Variants in CD58 observed in about 807,000 individuals in gnomAD.
CD58 encodes the protein lymphocyte function-associated antigen 3.
A neutral mutation model predicts 27.6 loss-of-function variants in CD58; 14 were observed. The observed-to-expected ratio is 0.51, with a 90% CI of 0.34 to 0.79. The LOEUF (loss-of-function observed/expected upper bound fraction) is 0.79. CD58 is among the 30% of genes least tolerant of loss of function. CD58 has a pLI of 0.02. For missense variants in CD58, 268 were observed against 301.7 expected (o/e 0.89, Z 0.83); for synonymous variants, 117 against 103.8 (o/e 1.13, Z -0.77).
chr1:116,522,009 T>A lies in CD58; in HGVS notation c.629-26A>T. The A allele has an allele frequency of 7.6e-7, 1 of 1,308,572 alleles. No homozygotes were observed. The highest frequency in any genetic ancestry group is 1.1e-6 in the Non-Finnish European group (1 of 918,124). 81.1% of individuals were successfully genotyped at this position (1,308,572 alleles called of 1,614,324 possible). On this transcript the variant is annotated intron_variant, in intron 3 of 5. Coordinates refer to ENST00000369489, the MANE Select transcript of CD58 (RefSeq NM_001779.3). The surrounding 1 kb of genome is among the most constrained non-coding windows in gnomAD (Gnocchi z 4.6). ...CTATAAAAAAGAAAAGAAAAGAAATTCAACTAGTTGAACTGATCAAAATGG... is the reference window on the plus strand; with the variant it reads ...CTATAAAAAAGAAAAGAAAAGAAATACAACTAGTTGAACTGATCAAAATGG...
chr1:116,543,653 T>C (rs375282320), intron 2 of CD58, among the ~76,000 whole-genome samples: 1 of 152,074 alleles, frequency 6.6e-6, no homozygotes, highest in East Asian at 1.9e-4. Flanking sequence ...CTGGGTGTGG[T>C]GGCTCATGAG....
chr1:116,519,887 A>G lies in CD58; in HGVS notation c.707-620T>C, dbSNP rs1657213904. Among the ~76,000 whole-genome samples the G allele has an allele frequency of 6.6e-6, 1 of 152,196 alleles. No individual in the cohort carries two copies. Among genetic ancestry groups the G allele is most frequent in the South Asian group, 2.1e-4 (1 of 4,824 alleles). Reference sequence around the variant, plus strand: ...ATTAAGACACTGCTCCCACACATGCATGCATCACTTTCCTGCCCACAGTAG... The same window carrying G: ...ATTAAGACACTGCTCCCACACATGCGTGCATCACTTTCCTGCCCACAGTAG... On this transcript the variant is annotated intron_variant, in intron 4 of 5. Transcript: ENST00000369489. The surrounding 1 kb of genome is among the most constrained non-coding windows in gnomAD (Gnocchi z 4.7).
At position 116,523,767 on chromosome 1, in the gene CD58, C is replaced by T. The variant is rs1444689602; in HGVS notation, c.629-1784G>A. ...TTCCTTCTTTACTAACTACAATCTT[C>T]ACATAAAGATAAACTGCCCCTCATC... On this transcript the variant is annotated intron_variant, in intron 3 of 5. Coordinates refer to ENST00000369489, the MANE Select transcript of CD58 (RefSeq NM_001779.3). This position sits in a 1 kb window ranked among gnomAD's most constrained non-coding sequence, Gnocchi z 4.4. 6.6e-6 allele frequency among the ~76,000 whole-genome samples: 1 copy of T among 152,188 alleles called. No homozygotes were observed. The highest frequency in any genetic ancestry group is 1.5e-5 in the Non-Finnish European group (1 of 68,032).
intron 1 of CD58, among the ~76,000 whole-genome samples, chr1:116,560,276 T>C (rs1484161773): frequency 2.6e-5 from 4 of 152,216 alleles, no homozygotes; most frequent in Admixed American, 6.5e-5. Context: ...TGTCTTTGAC[T>C]GTTCTCACCT....
At chr1:116,518,936 T>C (rs1316866945) in intron 5 of CD58, 4 of 988,406 alleles carry the variant, frequency 4.0e-6, no homozygotes, top group Non-Finnish European at 5.3e-6. Context: ...GACTTTGATA[T>C]CTCACTTGAC....
chr1:116,526,350 G>A (rs1456411302), intron 3 of CD58, among the ~76,000 whole-genome samples: 1 of 152,132 alleles, frequency 6.6e-6, no homozygotes, highest in Non-Finnish European at 1.5e-5. Context: ...GGTCCATTTT[G>A]AGTAAAATTT....
rs2101221075 is a variant in CD58, at chr1:116,559,748, A to G, written c.70+11155T>C. Among the ~76,000 whole-genome samples, 1 of 152,282 alleles carries G rather than the reference A, an allele frequency of 6.6e-6. No homozygotes were observed. The highest frequency in any genetic ancestry group is 1.9e-4 in the East Asian group (1 of 5,184). On this transcript the variant is annotated intron_variant, in intron 1 of 5. Coordinates refer to ENST00000369489, the MANE Select transcript of CD58 (RefSeq NM_001779.3). This position sits in a 1 kb window ranked among gnomAD's most constrained non-coding sequence, Gnocchi z 4.4. ...ATTAAGATGTTGGTTCTCTAAATCAACTTCTTTCTGTACTTTCCTTCTAAT... is the reference window on the plus strand; with the variant it reads ...ATTAAGATGTTGGTTCTCTAAATCAGCTTCTTTCTGTACTTTCCTTCTAAT...
At position 116,538,475 on chromosome 1, in the gene CD58, G is replaced by C. The variant is rs1194088669; in HGVS notation, c.365-2247C>G. Reference sequence around the variant, plus strand: ...TAACTAGGCTGGGCATTTCTCAGGGGCAGAAAACCAAGCTTTCTACCTCCT... The same window carrying C: ...TAACTAGGCTGGGCATTTCTCAGGGCCAGAAAACCAAGCTTTCTACCTCCT... On this transcript the variant is annotated intron_variant, in intron 2 of 5. Transcript: ENST00000369489. This position sits in a 1 kb window ranked among gnomAD's most constrained non-coding sequence, Gnocchi z 4.7. Among the ~76,000 whole-genome samples the C allele has an allele frequency of 6.6e-6, 1 of 152,164 alleles. No individual in the cohort carries two copies. The highest frequency in any genetic ancestry group is 2.4e-5 in the African/African-American group (1 of 41,430).
chr1:116,514,838 A>G lies in CD58; in HGVS notation c.744-16T>C, dbSNP rs372763408. 109 of 1,546,642 alleles carry G rather than the reference A, an allele frequency of 7.0e-5. 2 individuals are homozygous for G. The highest frequency in any genetic ancestry group is 6.4e-4 in the South Asian group (56 of 87,728). On this transcript the variant is annotated splice_polypyrimidine_tract_variant and intron_variant, in intron 5 of 5. Transcript: ENST00000369489. ...TCAATTGGAGCTACAAAAAAAAATC[A>G]TATTATTAACTTGTAAAATGCAGTA...
chr1:116,535,396 G>A (rs1230065591), intron 3 of CD58, among the ~76,000 whole-genome samples: 3 of 152,182 alleles, frequency 2.0e-5, no homozygotes, highest in African/African-American at 7.2e-5. Flanking sequence ...TTCTCACCAG[G>A]AAACAGGGAT....
intron 1 of CD58, among the ~76,000 whole-genome samples, chr1:116,558,199 T>C (rs1445327684): frequency 6.6e-6 from 1 of 151,418 alleles, no homozygotes; most frequent in Admixed American, 6.6e-5. Flanking sequence ...CCCTTAAAAG[T>C]TTCAGTACCT....
rs1345903195 is a variant in CD58, at chr1:116,550,484, T to C, written c.71-5880A>G. 6.6e-6 allele frequency among the ~76,000 whole-genome samples: 1 copy of C among 152,212 alleles called. No homozygotes were observed. The highest frequency in any genetic ancestry group is 1.5e-5 in the Non-Finnish European group (1 of 68,038). On this transcript the variant is annotated intron_variant, in intron 1 of 5. Coordinates refer to ENST00000369489, the MANE Select transcript of CD58 (RefSeq NM_001779.3). The surrounding 1 kb of genome is among the most constrained non-coding windows in gnomAD (Gnocchi z 4.2). ...TGGCTCAATTTTCATCATGAGATTG[T>C]GGCAACTGAGTGACATATTCAGGCT...
chr1:116,516,976 C>T lies in CD58; in HGVS notation c.744-2154G>A, dbSNP rs1169099223. ...TATCAGCTAGCACAGTGCCTGGTAT[C>T]GCATAATCTCCATAACGTTTGTTGT... On this transcript the variant is annotated intron_variant, in intron 5 of 5. Transcript: ENST00000369489. The surrounding 1 kb of genome is among the most constrained non-coding windows in gnomAD (Gnocchi z 6.1). Among the ~76,000 whole-genome samples the T allele has an allele frequency of 1.3e-5, 2 of 152,090 alleles. No individual in the cohort carries two copies. Among genetic ancestry groups the T allele is most frequent in the Non-Finnish European group, 2.9e-5 (2 of 68,018 alleles).
rs546563212 is a variant in CD58 at position 116,515,046 on chromosome 1, A to C, written c.744-224T>G. On this transcript the variant is annotated intron_variant, in intron 5 of 5. Transcript: ENST00000369489. The surrounding 1 kb of genome is among the most constrained non-coding windows in gnomAD (Gnocchi z 4.6). The stretch of plus-strand genomic sequence containing the variant: ...GAACAGCCTTCAGGATGCTGCACTC[A>C]ATAGCAGCCCCAAGGCTCCTCCCGC... Among the ~76,000 whole-genome samples, 4 of 152,204 alleles carry C rather than the reference A, an allele frequency of 2.6e-5. No homozygotes were observed. The highest frequency in any genetic ancestry group is 9.7e-5 in the African/African-American group (4 of 41,444).
At position 116,521,702 on chromosome 1, in the gene CD58, T is replaced by C. The variant is rs999045937; in HGVS notation, c.706+204A>G. 1.0e-5 allele frequency: 5 copies of C among 489,650 alleles called. No individual in the cohort carries two copies. Among genetic ancestry groups the C allele is most frequent in the African/African-American group, 9.9e-5 (5 of 50,460 alleles). The allele number at this position is 489,650 out of a possible 1,614,324, so 30.3% of individuals were successfully genotyped here. A position where few individuals can be genotyped will look rare whatever the true frequency, so the allele number is the denominator to read the frequency against. On this transcript the variant is annotated intron_variant, in intron 4 of 5. Transcript: ENST00000369489. This position sits in a 1 kb window ranked among gnomAD's most constrained non-coding sequence, Gnocchi z 5.6. ...CAGGCCTGTAAAGCTCTCTGTGGCC[T>C]AAGGATTCATTCTACCTTGAGATAA...
chr1:116,566,573 A>T (rs1228385203), intron 1 of CD58, among the ~76,000 whole-genome samples: 2 of 152,230 alleles, frequency 1.3e-5, no homozygotes, highest in African/African-American at 4.8e-5. Context: ...ACACTACAAG[A>T]TGAGTCCAGA....
intron 1 of CD58, among the ~76,000 whole-genome samples, chr1:116,564,605 G>A (rs545849846): frequency 1.3e-5 from 2 of 152,362 alleles, no homozygotes; most frequent in East Asian, 1.9e-4. Flanking sequence ...TTACATGGCA[G>A]TAGGCAAGAG....
At chr1:116,551,097 G>A (rs1658373788) in intron 1 of CD58, among the ~76,000 whole-genome samples, 1 of 152,042 alleles carries the variant, frequency 6.6e-6, no homozygotes, top group African/African-American at 2.4e-5. Flanking sequence ...TAATTCTTAA[G>A]GGCCCTAAAA....
At position 116,541,620 on chromosome 1, in the gene CD58, T is replaced by C. The variant is rs1170530471; in HGVS notation, c.364+2691A>G. Among the ~76,000 whole-genome samples the C allele has an allele frequency of 6.6e-6, 1 of 152,188 alleles. No homozygotes were observed. The highest frequency in any genetic ancestry group is 2.4e-5 in the African/African-American group (1 of 41,438). On this transcript the variant is annotated intron_variant, in intron 2 of 5. Coordinates refer to ENST00000369489, the MANE Select transcript of CD58 (RefSeq NM_001779.3). This position sits in a 1 kb window ranked among gnomAD's most constrained non-coding sequence, Gnocchi z 5.3. The stretch of plus-strand genomic sequence containing the variant: ...ACCAGCTGAAAGGATGGGGCTGCCA[T>C]TAACCAAAAGGGAAAAGATTTGGGG...
Sources: gnomAD v4.1 joint callset for allele counts (sites outside exome capture counted in the v4.1 genomes callset) on GRCh38, gnomAD v4.1.1 for gene constraint, Gnocchi (gnomAD v3.1) non-coding constraint, MANE v1.5 for transcripts, NCBI Gene and HGNC (gene_info 2026-07-23, HGNC 2026-07-21) for gene names.